SCART1: variants seen among roughly 807,000 people sequenced by gnomAD.
SCART1 encodes scavenger receptor cysteine-rich domain-containing protein SCART1.
Under a neutral mutation model 36.2 loss-of-function variants are expected in SCART1, and 62 were observed. The observed-to-expected ratio is 1.71, with a 90% confidence interval of 1.40 to 2.12. The LOEUF (loss-of-function observed/expected upper bound fraction) is 2.12, where lower values mean the gene tolerates loss of function less well. Ranked by LOEUF, SCART1 falls within the 30% of genes most tolerant of loss-of-function variation. The pLI, the probability that SCART1 is intolerant of heterozygous loss-of-function variation, is 0.00. For missense variants in SCART1, 1,041 were observed against 540.5 expected (o/e 1.93, Z -9.18); for synonymous variants, 487 against 238.7 (o/e 2.04, Z -9.59).
chr10:133,465,621 G>C, intron 9 of SCART1, 56 bp downstream of exon 9: 1 of 584,746 alleles, frequency 1.7e-6, no homozygotes, highest in Non-Finnish European at 3.0e-6. Flanking sequence ...CGCTGGGATG[G>C]AGTCAGTCTT....
exon 7 of SCART1, chr10:133,464,664 G>A (rs774158657): frequency 2.9e-6 from 2 of 690,306 alleles, no homozygotes; most frequent in South Asian, 3.1e-5. Context: ...GGCTGGACGT[G>A]TTCTACAATG....
At chr10:133,458,174 C>T (rs760589875) in intron 3 of SCART1, 186 bp from the exon 4 acceptor site, 39 of 699,318 alleles carry the variant, frequency 5.6e-5, no homozygotes, top group East Asian at 3.8e-4. Flanking sequence ...CGGCCAAGGA[C>T]GTCTGCTCTG....
At chr10:133,457,241 G>T (rs1329618908) in intron 2 of SCART1, 38 bp from the exon 3 acceptor site, 3 of 692,076 alleles carry the variant, frequency 4.3e-6, no homozygotes, top group South Asian at 3.0e-5. Context: ...CGGCCAGCTG[G>T]GTCCATACCT....
exon 6 of SCART1, chr10:133,460,127 G>A: frequency 1.9e-6 from 1 of 518,296 alleles, no homozygotes; most frequent in Non-Finnish European, 3.4e-6. Context: ...GCTGGGGGCG[G>A]CACGACTGGA....
exon 10 of SCART1, chr10:133,466,324 C>T: frequency 1.4e-6 from 1 of 703,074 alleles, no homozygotes; most frequent in Non-Finnish European, 2.6e-6. Context: ...TGGTCTTCTC[C>T]TTCTGGGCCT....
intron 1 of SCART1, among the ~76,000 whole-genome samples, chr10:133,455,396 C>T (rs935123871): frequency 6.6e-6 from 1 of 151,958 alleles, no homozygotes; most frequent in African/African-American, 2.4e-5. Flanking sequence ...TCAAGGCTCC[C>T]CAGGAGGTGG....
chr10:133,459,350 C>T (rs956625546), intron 5 of SCART1, 24 bp downstream of exon 5: 1 of 620,766 alleles, frequency 1.6e-6, no homozygotes, highest in Non-Finnish European at 2.9e-6. Context: ...GGACGGTGGA[C>T]CAGGAGGGTG....
chr10:133,459,674 C>G (rs530671819), exon 6 of SCART1: 2 of 697,638 alleles, frequency 2.9e-6, no homozygotes, highest in East Asian at 5.4e-5. Flanking sequence ...CCCCCAGCCG[C>G]GGATCCGTCC....
At chr10:133,469,641 T>C (rs1216385183), downstream of SCART1, among the ~76,000 whole-genome samples, 2 of 152,010 alleles carry the variant, frequency 1.3e-5, no homozygotes, top group Non-Finnish European at 2.9e-5. Context: ...ACACCTAAGG[T>C]AGATGACGGG....
At position 133,455,638 on chromosome 10, in the gene SCART1, G is replaced by A. The variant is rs990250379; in HGVS notation, c.68-599G>A. On this transcript the variant is annotated intron_variant, in intron 1 of 11. Transcript: ENST00000640237. The stretch of plus-strand genomic sequence containing the variant: ...GGAGAGGGTGGTTAGGGGTGCCTCC[G>A]TGGCGGGTGGGAGAGAAGGTGCTGG... Among the ~76,000 whole-genome samples, 13 of 152,052 alleles carry A rather than the reference G, an allele frequency of 8.5e-5. No homozygotes were observed. The South Asian group carries it at 2.5e-3, about 29-fold the overall frequency.
At chr10:133,458,125 C>T in intron 3 of SCART1, 1 of 689,190 alleles carries the variant, frequency 1.5e-6, no homozygotes, top group Non-Finnish European at 2.6e-6. Flanking sequence ...AATACGTGAG[C>T]ACCTGCAGCA....
At chr10:133,457,747 A>G in intron 3 of SCART1, 172 bp downstream of exon 3, 1 of 564,586 alleles carries the variant, frequency 1.8e-6, no homozygotes, top group Non-Finnish European at 3.1e-6. Flanking sequence ...GGTTCTCAGC[A>G]GAGTGGAGCT....
chr10:133,456,364 G>A (rs781565255), exon 2 of SCART1: 17 of 702,816 alleles, frequency 2.4e-5, no homozygotes, highest in East Asian at 5.4e-5. Flanking sequence ...CCTCTGTCGT[G>A]TGCAGGCAGC....
chr10:133,458,527 G>A (rs528851978), exon 4 of SCART1: 7 of 674,834 alleles, frequency 1.0e-5, no homozygotes, highest in Admixed American at 4.9e-5. Flanking sequence ...CGCCCGCTTC[G>A]GCCGGGGCTC....
At chr10:133,459,935 C>T (rs778054285) in exon 6 of SCART1, 2 of 542,426 alleles carry the variant, frequency 3.7e-6, no homozygotes, top group Admixed American at 3.8e-5. Context: ...GCGCGTGGGG[C>T]ACCGTGTGTG....
chr10:133,459,196 C>T lies in SCART1; in HGVS notation c.1155C>T (p.Asp385=), dbSNP rs143722770. 3.8e-3 allele frequency: 2,695 copies of T among 702,458 alleles called. 30 individuals carry two copies. The highest frequency in any genetic ancestry group is 3.6e-3 in the South Asian group (243 of 67,470). 43.5% of individuals were successfully genotyped at this position (702,458 alleles called of 1,614,324 possible). A position where few individuals can be genotyped will look rare whatever the true frequency, so the allele number is the denominator to read the frequency against. ...CACCTGGAGGAGGCCATTTTGGGGA[C>T]GGGGACGCTGCCATCTGGCCTGATG... The change falls in exon 5 of 12, where the codon GAC becomes GAT. Residue 385 remains aspartate (D), a synonymous_variant. Coordinates refer to ENST00000640237, the Ensembl canonical transcript of SCART1.
chr10:133,455,501 G>A (rs1029541651), intron 1 of SCART1, among the ~76,000 whole-genome samples: 3 of 151,960 alleles, frequency 2.0e-5, no homozygotes, highest in Admixed American at 6.5e-5. Context: ...GAGTCCTCCA[G>A]GGGCCCTGGA....
intron 6 of SCART1, among the ~76,000 whole-genome samples, chr10:133,460,466 A>G (rs1850684357): frequency 1.1e-5 from 1 of 89,826 alleles, no homozygotes; most frequent in South Asian, 4.9e-4. Context: ...TTTCCATCCG[A>G]AATTCATATA....
At chr10:133,457,384 TGGA>T in exon 3 of SCART1, 1 of 701,582 alleles carries the variant, frequency 1.4e-6, no homozygotes, top group South Asian at 1.5e-5. Flanking sequence ...GTCCTGCATG[TGGA>T]GGAGGCCATG....
Sources: gnomAD v4.1 joint callset for allele counts (sites outside exome capture counted in the v4.1 genomes callset) on GRCh38, gnomAD v4.1.1 for gene constraint, MANE v1.5 for transcripts, NCBI Gene and HGNC (gene_info 2026-07-23, HGNC 2026-07-21) for gene names.